CNNM4: variants seen among roughly 807,000 people sequenced by gnomAD.
CNNM4 encodes cyclin and CBS domain divalent metal cation transport mediator 4.
Under a neutral mutation model 53.7 loss-of-function variants are expected in CNNM4, and 32 were observed. The observed-to-expected ratio is 0.60, with a 90% CI of 0.45 to 0.80. The LOEUF (loss-of-function observed/expected upper bound fraction) is 0.80, where lower values mean the gene tolerates loss of function less well. Ranked by LOEUF, CNNM4 falls within the 30% of genes least tolerant of loss-of-function variation. The probability of loss-of-function intolerance (pLI) is 0.00; values close to 1 mark genes in which losing one functional copy is unlikely to be tolerated. For missense variants in CNNM4, 784 were observed against 1,022.0 expected, an observed-to-expected ratio of 0.77 and a Z score of 3.17; for synonymous variants, 410 against 440.0, an observed-to-expected ratio of 0.93 and a Z score of 0.85.
intron 1 of CNNM4, among the ~76,000 whole-genome samples, chr2:96,790,406 G>C (rs1430886222): frequency 1.3e-5 from 2 of 151,704 alleles, no homozygotes; most frequent in African/African-American, 4.8e-5. Context: ...CCAGGCTGGA[G>C]TGCAATGGCA....
chr2:96,803,211 A>G lies in CNNM4; in HGVS notation c.1948+3563A>G, dbSNP rs913116163. Among the ~76,000 whole-genome samples, 3 of 152,112 alleles carry G rather than the reference A, an allele frequency of 2.0e-5. No individual in the cohort carries two copies. In the East Asian group the frequency reaches 5.8e-4, roughly 29 times the overall value. On this transcript the variant is annotated intron_variant, in intron 5 of 6. Coordinates refer to ENST00000377075, the MANE Select transcript of CNNM4 (RefSeq NM_020184.4). ...CCTCCTCTGGGCTTGCTCTGGTTTC[A>G]TGGATGGCCGGGAGGTGATGCACCT... is the stretch of plus-strand genomic sequence containing the variant.
intron 1 of CNNM4, among the ~76,000 whole-genome samples, chr2:96,770,484 G>A (rs1032520889): frequency 6.6e-6 from 1 of 152,310 alleles, no homozygotes; most frequent in Non-Finnish European, 1.5e-5. Context: ...TAGACATGGC[G>A]TTTTCCACTC....
chr2:96,772,651 A>T (rs1439154535), intron 1 of CNNM4, among the ~76,000 whole-genome samples: 12 of 100,688 alleles, frequency 1.2e-4, no homozygotes, highest in East Asian at 3.5e-4. Flanking sequence ...GCAGGCGCTC[A>T]CACACACATG....
chr2:96,781,174 T>A (rs1378197867), intron 1 of CNNM4, among the ~76,000 whole-genome samples: 1 of 151,716 alleles, frequency 6.6e-6, no homozygotes, highest in Non-Finnish European at 1.5e-5. Flanking sequence ...AGAGACGGGG[T>A]TTCACTGTGT....
intron 5 of CNNM4, among the ~76,000 whole-genome samples, chr2:96,802,860 G>A (rs2079171419): frequency 6.6e-6 from 1 of 152,126 alleles, no homozygotes; most frequent in Non-Finnish European, 1.5e-5. Context: ...TCAGCTTGAG[G>A]CTTGCTGGGA....
At chr2:96,793,005 T>C (rs2079074878) in intron 1 of CNNM4, among the ~76,000 whole-genome samples, 1 of 152,010 alleles carries the variant, frequency 6.6e-6, no homozygotes. Flanking sequence ...TGCAGAGATT[T>C]ATTTGGGACA....
At chr2:96,787,637 C>T (rs992400236) in intron 1 of CNNM4, among the ~76,000 whole-genome samples, 1 of 152,138 alleles carries the variant, frequency 6.6e-6, no homozygotes, top group Non-Finnish European at 1.5e-5. Flanking sequence ...GTGGGAGGAT[C>T]GCTTGAGCCC....
chr2:96,799,075 C>T lies in CNNM4; in HGVS notation c.1700C>T (p.Pro567Leu). 1 of 1,614,174 alleles carries T rather than the reference C, an allele frequency of 6.2e-7. No individual in the cohort carries two copies. The highest frequency in any genetic ancestry group is 8.5e-7 in the Non-Finnish European group (1 of 1,180,018). Residue 567 changes from proline to leucine, a missense_variant, in exon 4 of 7, where the codon CCC (proline) becomes CTC (leucine). By Grantham distance (98) the Pro-to-Leu change is moderately conservative. This residue lies in a region of CNNM4 where 307 missense variants were observed against 376.3 expected (regional missense o/e 0.82). Transcript: ENST00000377075. ...FLATEVSQFS[P>L]SLISEKILLR... is the part of the protein sequence containing the mutation. ...CCTACAGAGGTCTCTCAGTTTAGCC[C>T]CTCCCTGATATCAGAGAAGATCCTG...
rs183260840 is a variant in CNNM4, at chr2:96,777,321, T to C, written c.1402+14920T>C. On this transcript the variant is annotated intron_variant, in intron 1 of 6. Coordinates refer to ENST00000377075, the MANE Select transcript of CNNM4 (RefSeq NM_020184.4). ...GGCGTGAGCCACTGCGCCCGGCCTG[T>C]TGCCTGTTTTCTAGGAGGTTTGCCT... Among the ~76,000 whole-genome samples, 270 of 151,846 alleles carry C rather than the reference T, an allele frequency of 1.8e-3. 1 individual carries two copies. Among genetic ancestry groups the C allele is most frequent in the African/African-American group, 6.0e-3 (250 of 41,436 alleles).
chr2:96,808,602 T>C lies in CNNM4; in HGVS notation c.1990T>C (p.Ser664Pro), dbSNP rs1360036501. Residue 664 changes from serine (S) to proline (P), a missense_variant, in exon 6 of 7, where the codon TCC becomes CCC. Transcript: ENST00000377075. The surrounding 1 kb of genome is among the most constrained non-coding windows in gnomAD (Gnocchi z 4.9). ...CCCCACCCCACTCAGCCGCTCAGCCTCCCTCAGTTACCCAGACCGCACAGA... is the reference window on the plus strand; with the variant it reads ...CCCCACCCCACTCAGCCGCTCAGCCCCCCTCAGTTACCCAGACCGCACAGA... ...AHPTPLSRSA[S>P]LSYPDRTDVS... 2 of 1,613,908 alleles carry C rather than the reference T, an allele frequency of 1.2e-6. No individual in the cohort carries two copies. The highest frequency in any genetic ancestry group is 1.7e-6 in the Non-Finnish European group (2 of 1,180,014).
At position 96,797,652 on chromosome 2, in the gene CNNM4, CATG is replaced by C; in HGVS notation, c.1681+7_1681+9del. On this transcript the variant is annotated splice_donor_region_variant and intron_variant, in intron 3 of 6. Coordinates refer to ENST00000377075, the MANE Select transcript of CNNM4 (RefSeq NM_020184.4). This position sits in a 1 kb window ranked among gnomAD's most constrained non-coding sequence, Gnocchi z 6.0. ...CTCATCGCTTCCTAGCCACAGGTAG[CATG>C]AGGAGGACCTTCCGGTCTTGGTGGA... 6.2e-7 allele frequency: 1 copy of C among 1,613,928 alleles called. No individual in the cohort carries two copies. The highest frequency in any genetic ancestry group is 8.5e-7 in the Non-Finnish European group (1 of 1,180,028).
At chr2:96,780,764 G>A in intron 1 of CNNM4, among the ~76,000 whole-genome samples, 1 of 151,840 alleles carries the variant, frequency 6.6e-6, no homozygotes, top group African/African-American at 2.4e-5. Flanking sequence ...TTGAGATGGA[G>A]TCTCCCTCTA....
rs202044868 is a variant in CNNM4, at chr2:96,809,975, TTCC to T, written c.*477_*479del. On this transcript the variant is annotated 3_prime_UTR_variant, in exon 7 of 7. Coordinates refer to ENST00000377075, the MANE Select transcript of CNNM4 (RefSeq NM_020184.4). Reference sequence around the variant, plus strand: ...TGTCCCTGATTCAGGGAGCTCTCCCTTCCTCCTCCTCCTCCTCCTCCGGAGGTG... The same window carrying T: ...TGTCCCTGATTCAGGGAGCTCTCCCTTCCTCCTCCTCCTCCTCCGGAGGTG... 933 of 154,258 alleles carry T rather than the reference TTCC, an allele frequency of 6.0e-3. 12 individuals carry two copies. The highest frequency in any genetic ancestry group is 0.021 in the African/African-American group (859 of 41,512). 9.6% of individuals were successfully genotyped at this position (154,258 alleles called of 1,614,324 possible). A position where few individuals can be genotyped will look rare whatever the true frequency, so the allele number is the denominator to read the frequency against.
chr2:96,772,127 C>T (rs1052042574), intron 1 of CNNM4, among the ~76,000 whole-genome samples: 1 of 151,980 alleles, frequency 6.6e-6, no homozygotes, highest in African/African-American at 2.4e-5. Flanking sequence ...CCCTCCCCTA[C>T]CCCAGGTAGG....
intron 1 of CNNM4, among the ~76,000 whole-genome samples, chr2:96,771,508 C>T (rs1164063829): frequency 1.3e-5 from 2 of 151,984 alleles, no homozygotes; most frequent in Non-Finnish European, 2.9e-5. Context: ...AGTTCAAGAC[C>T]AGCCTGGCCA....
Position 96,809,810 on chromosome 2 carries a change from A to C in CNNM4, c.*293A>C. The C allele has an allele frequency of 3.0e-6, 1 of 330,978 alleles. No individual in the cohort carries two copies. The highest frequency in any genetic ancestry group is 5.5e-6 in the Non-Finnish European group (1 of 180,638). The allele number at this position is 330,978 out of a possible 1,614,324, so 20.5% of individuals were successfully genotyped here. On this transcript the variant is annotated 3_prime_UTR_variant, in exon 7 of 7. Transcript: ENST00000377075. ...GGCTCATCACTTTTTTTTAAATATC[A>C]TTTTGGGAAGGGAAGACAGGGTTAA... is the stretch of plus-strand genomic sequence containing the variant.
chr2:96,806,128 G>A (rs920126444), intron 5 of CNNM4, among the ~76,000 whole-genome samples: 2 of 148,524 alleles, frequency 1.3e-5, no homozygotes, highest in Admixed American at 1.3e-4. Context: ...CGGGCGGGGG[G>A]CTGACCCCCC....
chr2:96,779,344 A>C (rs898915860), intron 1 of CNNM4, among the ~76,000 whole-genome samples: 2 of 151,970 alleles, frequency 1.3e-5, no homozygotes, highest in Non-Finnish European at 2.9e-5. Context: ...CCCTGTCTCT[A>C]CCAAAAATAC....
Position 96,809,494 on chromosome 2 carries a change from G to A in CNNM4, c.2305G>A (p.Ala769Thr). 1 of 1,614,218 alleles carries A rather than the reference G, an allele frequency of 6.2e-7. No homozygotes were observed. Among genetic ancestry groups the A allele is most frequent in the East Asian group, 2.2e-5 (1 of 44,886 alleles). Residue 769 changes from alanine to threonine, a missense_variant, in exon 7 of 7, where the codon GCC becomes ACC. Ala to Thr is a moderately conservative substitution (Grantham distance 58, BLOSUM62 0). This residue lies in a region of CNNM4 where 307 missense variants were observed against 376.3 expected (regional missense o/e 0.82). Coordinates refer to ENST00000377075, the MANE Select transcript of CNNM4 (RefSeq NM_020184.4). ...LNERNSLLHK[A>T]SHENAI is the part of the protein sequence containing the mutation. ...CGAGCGTAACTCCTTGCTGCACAAA[G>A]CCTCCCACGAGAATGCCATCTGACA...
Sources: gnomAD v4.1 joint callset for allele counts (sites outside exome capture counted in the v4.1 genomes callset) on GRCh38, gnomAD v4.1.1 for gene constraint, gnomAD v4.1.1 regional missense constraint, Gnocchi (gnomAD v3.1) non-coding constraint, MANE v1.5 for transcripts, NCBI Gene and HGNC (gene_info 2026-07-23, HGNC 2026-07-21) for gene names.